Variants in ANO2 observed in about 807,000 individuals in gnomAD.
ANO2 encodes anoctamin-2.
ANO2 carries 101 observed loss-of-function variants against 124.2 expected under a neutral mutation model. The ratio of observed to expected loss-of-function variants is 0.81; its 90% confidence interval spans 0.69 to 0.96. The LOEUF (loss-of-function observed/expected upper bound fraction) is 0.96, where lower values mean the gene tolerates loss of function less well. Ranked by LOEUF, ANO2 falls within the 40% of genes least tolerant of loss-of-function variation. The pLI is 0.00. For missense variants in ANO2, 1,293 were observed against 1,274.5 expected, an observed-to-expected ratio of 1.01 and a Z score of -0.22; for synonymous variants, 486 against 482.5, an observed-to-expected ratio of 1.01 and a Z score of -0.09.
At chr12:5,907,519 T>G (rs1037600078) in intron 3 of ANO2, among the ~76,000 whole-genome samples, 4 of 152,222 alleles carry the variant, frequency 2.6e-5, no homozygotes, top group Admixed American at 2.6e-4. Context: ...TCTAATTTCC[T>G]AACAAGACAG....
rs115554606 is a variant in ANO2 at position 5,887,636 on chromosome 12, C to T, written c.534+33404G>A. Among the ~76,000 whole-genome samples the T allele has an allele frequency of 5.4e-3, 825 of 152,298 alleles. 6 individuals carry two copies. Among genetic ancestry groups the T allele is most frequent in the African/African-American group, 0.019 (801 of 41,564 alleles). On this transcript the variant is annotated intron_variant, in intron 3 of 24. Transcript: ENST00000682330. ...TTTTCAGACATCAGTTGTTTCTGAG[C>T]ACTGTATACGGCTTTCGAAATAAAG...
intron 10 of ANO2, among the ~76,000 whole-genome samples, chr12:5,761,995 G>A (rs1216504552): frequency 6.6e-6 from 1 of 152,096 alleles, no homozygotes; most frequent in East Asian, 1.9e-4. Flanking sequence ...AAATTTTCAT[G>A]AGTAATCCAA....
At position 5,578,417 on chromosome 12, in the gene ANO2, T is replaced by G; in HGVS notation, c.2335A>C (p.Lys779Gln). The change falls in exon 21 of 25, where the codon AAG becomes CAG. Residue 779 changes from lysine to glutamine, a missense_variant. Coordinates refer to ENST00000682330, the MANE Select transcript of ANO2 (RefSeq NM_001364791.2). ...NVIEVRLDAKKFVTELRRPDA... is the reference protein window; with the variant it reads ...NVIEVRLDAKQFVTELRRPDA... ...GGCCGTCTCAGCTCTGTAACAAACTTCTTTGCATCGAGCCGCACTTCAATG... is the reference window on the plus strand; with the variant it reads ...GGCCGTCTCAGCTCTGTAACAAACTGCTTTGCATCGAGCCGCACTTCAATG... 6.2e-7 allele frequency: 1 copy of G among 1,613,930 alleles called. No homozygotes were observed.
chr12:5,669,048 A>G (rs1011867219), intron 14 of ANO2, among the ~76,000 whole-genome samples: 1 of 151,414 alleles, frequency 6.6e-6, no homozygotes, highest in African/African-American at 2.4e-5. Context: ...TTAGTACCAT[A>G]TGAATTTTAA....
intron 13 of ANO2, chr12:5,732,961 G>T: frequency 6.6e-7 from 1 of 1,515,268 alleles, no homozygotes; most frequent in East Asian, 2.3e-5. Flanking sequence ...GCTTTGCAGA[G>T]CAGTTTCACC....
chr12:5,934,842 A>T (rs1942581013), intron 1 of ANO2, among the ~76,000 whole-genome samples: 1 of 152,154 alleles, frequency 6.6e-6, no homozygotes, highest in Non-Finnish European at 1.5e-5. Context: ...CCTGGGTGTA[A>T]CCAAGATTAA....
At chr12:5,944,731 G>A (rs1001634930) in intron 1 of ANO2, among the ~76,000 whole-genome samples, 2 of 152,114 alleles carry the variant, frequency 1.3e-5, no homozygotes, top group African/African-American at 4.8e-5. Flanking sequence ...CTGAAACTGA[G>A]AGGCCACTCC....
chr12:5,612,557 C>T lies in ANO2; in HGVS notation c.2087+99G>A, dbSNP rs189506487. The T allele has an allele frequency of 6.9e-5, 67 of 965,976 alleles. No individual in the cohort carries two copies. In the East Asian group the frequency reaches 1.6e-3, roughly 23 times the overall value. The allele number at this position is 965,976 out of a possible 1,614,324, so 59.8% of individuals were successfully genotyped here. A position where few individuals can be genotyped will look rare whatever the true frequency, so the allele number is the denominator to read the frequency against. On this transcript the variant is annotated intron_variant, in intron 19 of 24. Coordinates refer to ENST00000682330, the MANE Select transcript of ANO2 (RefSeq NM_001364791.2). ...ACAGAGAATTAAATCACCAAGCTGT[C>T]TAAGAAGAGGAAAGGCCATAGAAAA...
chr12:5,889,708 G>A (rs1939252222), intron 3 of ANO2, among the ~76,000 whole-genome samples: 1 of 152,244 alleles, frequency 6.6e-6, no homozygotes, highest in Admixed American at 6.5e-5. Context: ...CATTAACCCA[G>A]GAATGCCAAA....
chr12:5,628,687 T>TGTGCGC (rs989599957), intron 16 of ANO2, among the ~76,000 whole-genome samples: 8 of 146,000 alleles, frequency 5.5e-5, no homozygotes, highest in African/African-American at 2.2e-4. Context: ...TGTGTGTGTG[T>TGTGCGC]GCGCGCGCGC....
intron 7 of ANO2, among the ~76,000 whole-genome samples, chr12:5,823,908 G>C (rs1953880546): frequency 6.6e-6 from 1 of 152,230 alleles, no homozygotes; most frequent in Non-Finnish European, 1.5e-5. Flanking sequence ...TGCACCTGCA[G>C]GCTCAACACT....
At chr12:5,646,079 T>C (rs974707719) in intron 15 of ANO2, among the ~76,000 whole-genome samples, 3 of 152,224 alleles carry the variant, frequency 2.0e-5, no homozygotes, top group Non-Finnish European at 2.9e-5. Flanking sequence ...CATAGCCCTT[T>C]GGAGTTCTGA....
At chr12:5,655,444 G>T (rs1029543833) in intron 14 of ANO2, among the ~76,000 whole-genome samples, 1 of 152,190 alleles carries the variant, frequency 6.6e-6, no homozygotes, top group Non-Finnish European at 1.5e-5. Context: ...CTCTGGAATG[G>T]GGCCTGAGAA....
intron 10 of ANO2, among the ~76,000 whole-genome samples, chr12:5,793,073 G>A (rs2137152518): frequency 6.6e-6 from 1 of 152,256 alleles, no homozygotes; most frequent in South Asian, 2.1e-4. Context: ...GAAAGCTTAG[G>A]TATATGAGCA....
intron 3 of ANO2, among the ~76,000 whole-genome samples, chr12:5,885,282 T>C (rs1036463619): frequency 6.6e-6 from 1 of 152,206 alleles, no homozygotes; most frequent in Non-Finnish European, 1.5e-5. Flanking sequence ...AGCTTTCAAG[T>C]TGGGTGAGCT....
chr12:5,783,170 C>A (rs1952451762), intron 10 of ANO2, among the ~76,000 whole-genome samples: 1 of 152,228 alleles, frequency 6.6e-6, no homozygotes, highest in South Asian at 2.1e-4. Context: ...CAAATGCCTG[C>A]CAAATCAGAC....
chr12:5,927,457 C>T (rs2136311960), intron 1 of ANO2, among the ~76,000 whole-genome samples: 1 of 152,296 alleles, frequency 6.6e-6, no homozygotes, highest in East Asian at 1.9e-4. Flanking sequence ...AATGAAAAAA[C>T]AGGTGAAGCC....
chr12:5,690,030 C>T (rs1229470975), intron 14 of ANO2, among the ~76,000 whole-genome samples: 1 of 152,102 alleles, frequency 6.6e-6, no homozygotes, highest in Non-Finnish European at 1.5e-5. Context: ...AACTGGCTCT[C>T]CACAGACCCT....
intron 22 of ANO2, among the ~76,000 whole-genome samples, chr12:5,577,558 C>T (rs954820312): frequency 3.3e-5 from 5 of 152,124 alleles, no homozygotes; most frequent in Admixed American, 1.3e-4. Flanking sequence ...CCTGGAGGAA[C>T]GGTAATTAGG....
Sources: allele counts gnomAD v4.1 joint callset (sites outside exome capture counted in the v4.1 genomes callset), GRCh38; gene constraint gnomAD v4.1.1; transcripts MANE v1.5; gene names NCBI Gene and HGNC (gene_info 2026-07-23, HGNC 2026-07-21).